HOXB5: variants seen among roughly 807,000 people sequenced by gnomAD.
The protein encoded by HOXB5 is homeobox protein Hox-B5.
A neutral mutation model predicts 19.6 loss-of-function variants in HOXB5; 10 were observed. The ratio of observed to expected loss-of-function variants is 0.51; its 90% CI spans 0.32 to 0.87. The LOEUF (loss-of-function observed/expected upper bound fraction) is 0.87. Among genes scored for constraint, HOXB5 ranks in the 40% least tolerant of loss-of-function variants. HOXB5 has a pLI of 0.04. For missense variants in HOXB5, 353 were observed against 369.6 expected (o/e 0.96, Z 0.37); for synonymous variants, 167 against 156.9 (o/e 1.06, Z -0.48).
At chr17:48,593,093 A>C in intron 1 of HOXB5, 28 bp downstream of exon 1, 3 of 924,534 alleles carry the variant, frequency 3.2e-6, no homozygotes, top group South Asian at 1.8e-5. Flanking sequence ...AGGAAAGCCG[A>C]GAAGACAAAA....
In HOXB5 at chr17:48,593,475, C is replaced by G; in HGVS notation, c.208G>C (p.Gly70Arg). 1 of 1,612,726 alleles carries G rather than the reference C, an allele frequency of 6.2e-7. No individual in the cohort carries two copies. ...SASSSHFGAV[G>R]ESSRAFPAPA... ...GCGGGGAAGGCGCGCGAGCTCTCGCCCACCGCCCCAAAGTGGCTGGAGGAG... is the reference window on the plus strand; with the variant it reads ...GCGGGGAAGGCGCGCGAGCTCTCGCGCACCGCCCCAAAGTGGCTGGAGGAG... Residue 70 changes from glycine (G) to arginine (R), a missense_variant, in exon 1 of 2, where the codon GGC (glycine) becomes CGC (arginine). Coordinates refer to ENST00000239151, the MANE Select transcript of HOXB5 (RefSeq NM_002147.4).
Position 48,592,217 on chromosome 17 carries a change from G to A in HOXB5, c.802C>T (p.Gln268Ter). 2 of 1,613,578 alleles carry A rather than the reference G, an allele frequency of 1.2e-6. No homozygotes were observed. Among genetic ancestry groups the A allele is most frequent in the Non-Finnish European group, 1.7e-6 (2 of 1,179,848 alleles). The change falls in exon 2 of 2, where the codon CAG becomes TAG. Residue 268 changes from glutamine (Q) to a stop codon, truncating the protein, a stop_gained. Transcript: ENST00000239151. LOFTEE classifies it high-confidence loss of function. ...MSLATAGSAF[Q>*]P ...GGCTCCTCTGGGCGGGCTCAGGGCT[G>A]GAAGGCGCTGCCAGCTGTAGCCAGG...
At chr17:48,592,523 AG>A (rs1231152038) in intron 1 of HOXB5, 67 bp from the exon 2 acceptor site, 1 of 89,242 alleles carries the variant, frequency 1.1e-5, no homozygotes, top group Non-Finnish European at 2.3e-5. Context: ...ACTGGGTGGG[AG>A]GGGGCGGGGG....
rs1023811498 is a variant in HOXB5 at position 48,591,804 on chromosome 17, C to T, written c.*405G>A. 1 of 153,192 alleles carries T rather than the reference C, an allele frequency of 6.5e-6. No individual in the cohort carries two copies. The highest frequency in any genetic ancestry group is 2.4e-5 in the African/African-American group (1 of 41,238). The allele number at this position is 153,192 out of a possible 1,614,324, so 9.5% of individuals were successfully genotyped here. On this transcript the variant is annotated 3_prime_UTR_variant, in exon 2 of 2. Transcript: ENST00000239151. ...CTTACAGAAGTTTCCAGCTGAAACT[C>T]AAAATACAGCGATCATCTTTTTATA...
Position 48,592,076 on chromosome 17 carries a change from AAT to A in HOXB5, c.*131_*132del. 1 of 1,005,372 alleles carries A rather than the reference AAT, an allele frequency of 9.9e-7. No homozygotes were observed. 62.3% of individuals were successfully genotyped at this position (1,005,372 alleles called of 1,614,324 possible). A position where few individuals can be genotyped will look rare whatever the true frequency, so the allele number is the denominator to read the frequency against. Reference sequence around the variant, plus strand: ...CACAGGAAGACCTAAGACCAAACGAAATATCGTAACACAAGGCGAGGCAGGCT... The same window carrying A: ...CACAGGAAGACCTAAGACCAAACGAAATCGTAACACAAGGCGAGGCAGGCT... On this transcript the variant is annotated 3_prime_UTR_variant, in exon 2 of 2. Coordinates refer to ENST00000239151, the MANE Select transcript of HOXB5 (RefSeq NM_002147.4).
intron 1 of HOXB5, 37 bp from the exon 2 acceptor site, chr17:48,592,493 T>C (rs1010364971): frequency 1.0e-6 from 1 of 990,948 alleles, no homozygotes; most frequent in Admixed American, 2.0e-5. Flanking sequence ...GGCAACATTA[T>C]TCCGGTTAAG....
In HOXB5 at chr17:48,593,302, G is replaced by C; in HGVS notation, c.381C>G (p.Ser127Arg). 1 of 1,612,606 alleles carries C rather than the reference G, an allele frequency of 6.2e-7. No individual in the cohort carries two copies. The highest frequency in any genetic ancestry group is 8.5e-7 in the Non-Finnish European group (1 of 1,179,020). Residue 127 changes from serine to arginine, a missense_variant, in exon 1 of 2, where the codon AGC (serine) becomes AGG (arginine). Coordinates refer to ENST00000239151, the MANE Select transcript of HOXB5 (RefSeq NM_002147.4). ...PSDQATSASS[S>R]ANFTEIDEAS... ...CCTCGTCTATTTCGGTGAAATTGGC[G>C]CTGGAGCTGGCTGAGGTCGCCTGGT...
rs140096647 is a variant in HOXB5, at chr17:48,592,317, G to A, written c.702C>T (p.Ser234=). Residue 234 remains serine, a synonymous_variant, in exon 2 of 2, where the codon TCC becomes TCT. Coordinates refer to ENST00000239151, the MANE Select transcript of HOXB5 (RefSeq NM_002147.4). ...GGAACCAGATCTTGATCTGGCGCTC[G>A]GACAGGCAGAGTGCGTGGGCGATCT... is the stretch of plus-strand genomic sequence containing the variant. The part of the protein sequence containing the change: ...RIEIAHALCL[S]ERQIKIWFQN... The A allele has an allele frequency of 1.2e-5, 19 of 1,614,122 alleles. 1 individual carries two copies. The South Asian group carries it at 1.5e-4, about 13-fold the overall frequency.
intron 1 of HOXB5, 58 bp from the exon 2 acceptor site, chr17:48,592,514 C>G: frequency 2.5e-5 from 5 of 198,822 alleles, no homozygotes; most frequent in South Asian, 4.8e-5. Context: ...GGAGGGGGCA[C>G]TGGGTGGGAG....
In HOXB5 at chr17:48,592,163, TG is replaced by T; in HGVS notation, c.*45del. The T allele has an allele frequency of 6.3e-7, 1 of 1,593,928 alleles. No homozygotes were observed. The highest frequency in any genetic ancestry group is 8.6e-7 in the Non-Finnish European group (1 of 1,169,304). ...CGGGGAGGATTGGAGGGGCCAGGGC[TG>T]GGGGTGGCACGGGCTCTTGGGCCGC... On this transcript the variant is annotated 3_prime_UTR_variant, in exon 2 of 2. Coordinates refer to ENST00000239151, the MANE Select transcript of HOXB5 (RefSeq NM_002147.4).
intron 1 of HOXB5, 68 bp downstream of exon 1, chr17:48,593,053 T>TCCCCCCCCACCCC: frequency 1.6e-6 from 1 of 621,654 alleles, no homozygotes; most frequent in Non-Finnish European, 2.9e-6. Context: ...GCTCTCCTTG[T>TCCCCCCCCACCCC]CCCCCCGATC....
Position 48,593,298 on chromosome 17 carries a change from T to G in HOXB5, c.385A>C (p.Asn129His). 6.2e-7 allele frequency: 1 copy of G among 1,613,062 alleles called. No individual in the cohort carries two copies. The highest frequency in any genetic ancestry group is 8.5e-7 in the Non-Finnish European group (1 of 1,179,226). ...DQATSASSSA[N>H]FTEIDEASAS... ...CTGGCCTCGTCTATTTCGGTGAAAT[T>G]GGCGCTGGAGCTGGCTGAGGTCGCC... The change falls in exon 1 of 2, where the codon AAT (asparagine) becomes CAT (histidine). Residue 129 changes from asparagine to histidine, a missense_variant. Transcript: ENST00000239151.
In HOXB5 at chr17:48,592,362, C is replaced by T; in HGVS notation, c.657G>A (p.Leu219=). The change falls in exon 2 of 2, where the codon CTG becomes CTA. Residue 219 remains leucine, a synonymous_variant. Coordinates refer to ENST00000239151, the MANE Select transcript of HOXB5 (RefSeq NM_002147.4). Reference sequence around the variant, plus strand: ...CGATCTCGATGCGCCGTCGCCGGGTCAGGTAGCGGTTGAAGTGGAACTCCT... The same window carrying T: ...CGATCTCGATGCGCCGTCGCCGGGTTAGGTAGCGGTTGAAGTGGAACTCCT... ...LEKEFHFNRY[L]TRRRRIEIAH... 1 of 1,614,178 alleles carries T rather than the reference C, an allele frequency of 6.2e-7. No individual in the cohort carries two copies. Among genetic ancestry groups the T allele is most frequent in the Non-Finnish European group, 8.5e-7 (1 of 1,180,036 alleles).
At position 48,591,309 on chromosome 17, in the gene HOXB5, A is replaced by G. The variant is rs1428005909; in HGVS notation, c.*900T>C. The G allele has an allele frequency of 2.0e-5, 3 of 152,664 alleles. No homozygotes were observed. Among genetic ancestry groups the G allele is most frequent in the Admixed American group, 6.5e-5 (1 of 15,288 alleles). The allele number at this position is 152,664 out of a possible 1,614,324, so 9.5% of individuals were successfully genotyped here. A position where few individuals can be genotyped will look rare whatever the true frequency, so the allele number is the denominator to read the frequency against. On this transcript the variant is annotated 3_prime_UTR_variant, in exon 2 of 2. Coordinates refer to ENST00000239151, the MANE Select transcript of HOXB5 (RefSeq NM_002147.4). ...TCCAGGAAAGCTACAAACAAATACC[A>G]AAAGCGAATCACTGAGACAGGCCCC...
Position 48,593,520 on chromosome 17 carries a change from T to C in HOXB5, c.163A>G (p.Ser55Gly). The C allele has an allele frequency of 6.2e-7, 1 of 1,613,206 alleles. No homozygotes were observed. Among genetic ancestry groups the C allele is most frequent in the Middle Eastern group, 1.7e-4 (1 of 6,060 alleles). ...YGYNYNGMDL[S>G]VNRSSASSSH... is the part of the protein sequence containing the mutation. ...GAGGAGGCCGAGGAGCGGTTGACGC[T>C]GAGGTCCATCCCATTGTAATTGTAG... Residue 55 changes from serine to glycine, a missense_variant, in exon 1 of 2, where the codon AGC becomes GGC. Physicochemically the swap from Ser to Gly is moderately conservative, Grantham distance 56. Coordinates refer to ENST00000239151, the MANE Select transcript of HOXB5 (RefSeq NM_002147.4).
chr17:48,592,581 C>T, intron 1 of HOXB5, 125 bp from the exon 2 acceptor site: 6 of 960,644 alleles, frequency 6.2e-6, no homozygotes, highest in Non-Finnish European at 9.1e-6. Context: ...AGCTCCAATC[C>T]TCTCTACTCC....
chr17:48,592,308 C>A lies in HOXB5; in HGVS notation c.711G>T (p.Gln237His). 1.9e-6 allele frequency: 3 copies of A among 1,614,124 alleles called. No homozygotes were observed. Among genetic ancestry groups the A allele is most frequent in the Non-Finnish European group, 2.5e-6 (3 of 1,180,018 alleles). ...GCCGGTTCTGGAACCAGATCTTGAT[C>A]TGGCGCTCGGACAGGCAGAGTGCGT... ...IAHALCLSER[Q>H]IKIWFQNRRM... The change falls in exon 2 of 2, where the codon CAG (glutamine) becomes CAT (histidine). Residue 237 changes from glutamine to histidine, a missense_variant. By Grantham distance (24) the Gln-to-His change is conservative. Coordinates refer to ENST00000239151, the MANE Select transcript of HOXB5 (RefSeq NM_002147.4).
At chr17:48,593,070 CAAA>C in intron 1 of HOXB5, 48 bp downstream of exon 1, 1 of 1,039,434 alleles carries the variant, frequency 9.6e-7, no homozygotes, top group Non-Finnish European at 1.4e-6. Context: ...GATCCCACCC[CAAA>C]ACGCAGAGAA....
In HOXB5 at chr17:48,593,636, C is replaced by T; in HGVS notation, c.47G>A (p.Gly16Asp). The change falls in exon 1 of 2, where the codon GGC (glycine) becomes GAC (aspartate). Residue 16 changes from glycine (G) to aspartate (D), a missense_variant. Physicochemically the swap from Gly to Asp is moderately conservative, Grantham distance 94 (BLOSUM62 -1). Coordinates refer to ENST00000239151, the MANE Select transcript of HOXB5 (RefSeq NM_002147.4). Reference protein sequence around the residue: ...VNSFSGRYPNGPDYQLLNYGS... With the variant: ...VNSFSGRYPNDPDYQLLNYGS... The stretch of plus-strand genomic sequence containing the variant: ...ATAATTTAGCAACTGATAGTCCGGG[C>T]CATTTGGATAACGCCCCGAGAAGGA... 6.2e-7 allele frequency: 1 copy of T among 1,612,718 alleles called. No individual in the cohort carries two copies. The highest frequency in any genetic ancestry group is 8.5e-7 in the Non-Finnish European group (1 of 1,179,798).
Sources: allele counts gnomAD v4.1 joint callset, GRCh38; gene constraint gnomAD v4.1.1; transcripts MANE v1.5; gene names NCBI Gene and HGNC (gene_info 2026-07-23, HGNC 2026-07-21).